The following AIMP1 variants were observed in gnomAD, a reference collection of about 807,000 sequenced individuals.
AIMP1 encodes aminoacyl tRNA synthase complex-interacting multifunctional protein 1.
Under a neutral mutation model 33.1 loss-of-function variants are expected in AIMP1, and 24 were observed. That is an observed-to-expected ratio of 0.73 (90% confidence interval 0.53 to 1.02). AIMP1 has a LOEUF of 1.02. Among genes scored for constraint, AIMP1 ranks in the 50% least tolerant of loss-of-function variants. The pLI is 0.00. For synonymous variants in AIMP1, 120 were observed against 121.5 expected (o/e 0.99, Z 0.08); for missense variants, 367 against 364.8 (o/e 1.01, Z -0.05).
At chr4:106,335,772 C>A (rs112917965) in intron 5 of AIMP1, among the ~76,000 whole-genome samples, 4,082 of 151,706 alleles carry the variant, frequency 0.027, 178 homozygotes, top group African/African-American at 0.094. Context: ...TTGCATATAA[C>A]ATTTATTTAT....
chr4:106,323,302 G>A (rs140211163), intron 1 of AIMP1, among the ~76,000 whole-genome samples: 17 of 152,044 alleles, frequency 1.1e-4, no homozygotes, highest in African/African-American at 3.4e-4. Flanking sequence ...ATATGTTTCT[G>A]TATGAGTCAG....
At chr4:106,316,425 G>A (rs1768884576), upstream of AIMP1, 1 of 973,214 alleles carries the variant, frequency 1.0e-6, no homozygotes. Flanking sequence ...CAGGTTAATG[G>A]GACTGAGCAC....
intron 1 of AIMP1, 23 bp downstream of exon 1, chr4:106,316,617 A>C: frequency 6.5e-7 from 1 of 1,549,498 alleles, no homozygotes; most frequent in Non-Finnish European, 8.7e-7. Context: ...GTGGCGGGTC[A>C]CTCACTCGGG....
At chr4:106,336,334 A>T (rs959871226) in intron 5 of AIMP1, among the ~76,000 whole-genome samples, 36 of 151,438 alleles carry the variant, frequency 2.4e-4, no homozygotes, top group Non-Finnish European at 4.6e-4. Context: ...GAGCCACCAC[A>T]CCCAGCCAAT....
At chr4:106,328,784 T>G (rs1334896181) in intron 4 of AIMP1, among the ~76,000 whole-genome samples, 2 of 152,176 alleles carry the variant, frequency 1.3e-5, no homozygotes, top group African/African-American at 2.4e-5. Context: ...AACCAACAAA[T>G]TCTATTATTC....
chr4:106,327,409 C>A, intron 2 of AIMP1, 42 bp from the exon 3 acceptor site: 4 of 1,436,924 alleles, frequency 2.8e-6, no homozygotes, highest in Non-Finnish European at 3.9e-6. Flanking sequence ...CATACAAAAC[C>A]TCTTTTAAAA....
At chr4:106,321,502 C>G (rs1350669382) in intron 1 of AIMP1, 1 of 155,722 alleles carries the variant, frequency 6.4e-6, no homozygotes, top group Non-Finnish European at 1.4e-5. Flanking sequence ...AGGAGCCCCT[C>G]CGCCCGGCAG....
rs1299418526 is a variant in AIMP1, at chr4:106,347,575, C to T, written c.822C>T (p.Ile274=). ...CTAAGAAGAAGATTTGGGAGCAGATCCAGCCTGATCTTCACACTAATGATG... is the reference window on the plus strand; with the variant it reads ...CTAAGAAGAAGATTTGGGAGCAGATTCAGCCTGATCTTCACACTAATGATG... ...LNPKKKIWEQ[I]QPDLHTNDEC... Residue 274 remains isoleucine (I), a synonymous_variant, in exon 7 of 7, where the codon ATC becomes ATT. Transcript: ENST00000672341. 1.2e-6 allele frequency: 2 copies of T among 1,613,330 alleles called. No individual in the cohort carries two copies. Among genetic ancestry groups the T allele is most frequent in the Non-Finnish European group, 1.7e-6 (2 of 1,179,650 alleles).
chr4:106,333,262 T>A (rs1178643999), intron 5 of AIMP1, among the ~76,000 whole-genome samples: 1 of 152,160 alleles, frequency 6.6e-6, no homozygotes, highest in African/African-American at 2.4e-5. Flanking sequence ...GTGTTACTTG[T>A]TTTTTCTGTC....
chr4:106,327,612 C>A, intron 3 of AIMP1, 48 bp downstream of exon 3: 1 of 1,340,240 alleles, frequency 7.5e-7, no homozygotes, highest in Non-Finnish European at 1.1e-6. Flanking sequence ...AAGAAGTTGG[C>A]CAGTCACACC....
intron 6 of AIMP1, among the ~76,000 whole-genome samples, chr4:106,337,652 A>G (rs1378207093): frequency 6.6e-6 from 1 of 152,182 alleles, no homozygotes; most frequent in Non-Finnish European, 1.5e-5. Flanking sequence ...TAGTAGGGAC[A>G]CTGCTGTAAA....
intron 5 of AIMP1, among the ~76,000 whole-genome samples, chr4:106,334,333 T>C (rs992478404): frequency 2.0e-5 from 3 of 151,126 alleles, no homozygotes; most frequent in Admixed American, 6.6e-5. Context: ...CAGTCTCGGC[T>C]CACTGCAACC....
At position 106,347,537 on chromosome 4, in the gene AIMP1, A is replaced by C. The variant is rs1197300342; in HGVS notation, c.784A>C (p.Lys262Gln). 1 of 1,613,018 alleles carries C rather than the reference A, an allele frequency of 6.2e-7. No individual in the cohort carries two copies. Among genetic ancestry groups the C allele is most frequent in the Non-Finnish European group, 8.5e-7 (1 of 1,179,400 alleles). ...TTTCTCCTACACAGGAGAGCCTGAC[A>C]AGGAGCTGAATCCTAAGAAGAAGAT... ...TFDAFPGEPD[K>Q]ELNPKKKIWE... The change falls in exon 7 of 7, where the codon AAG becomes CAG. Residue 262 changes from lysine to glutamine, a missense_variant. Lys to Gln is a moderately conservative substitution (Grantham distance 53). Transcript: ENST00000672341.
upstream of AIMP1, chr4:106,315,658 T>A (rs952660147): frequency 3.3e-5 from 5 of 152,278 alleles, no homozygotes; most frequent in African/African-American, 1.2e-4. Context: ...AGGGGCGGAT[T>A]CTAGATTCTC....
intron 1 of AIMP1, among the ~76,000 whole-genome samples, chr4:106,321,791 T>G (rs992637899): frequency 6.6e-6 from 1 of 152,230 alleles, no homozygotes; most frequent in African/African-American, 2.4e-5. Context: ...AGAGATCAGA[T>G]TGTTACTGTG....
chr4:106,331,872 C>T lies in AIMP1; in HGVS notation c.592C>T (p.Pro198Ser), dbSNP rs138106524. 830 of 1,613,858 alleles carry T rather than the reference C, an allele frequency of 5.1e-4. 3 individuals carry two copies. The highest frequency in any genetic ancestry group is 2.3e-3 in the Middle Eastern group (14 of 6,054). ...TGTCAGTGGCCTGGTGAATCATGTT[C>T]CTCTTGAACAGGTAATCTGTACAAC... ...TVVSGLVNHV[P>S]LEQMQNRMVI... The change falls in exon 5 of 7, where the codon CCT becomes TCT. Residue 198 changes from proline to serine, a missense_variant. Pro to Ser is a moderately conservative substitution (Grantham distance 74, BLOSUM62 -1). Coordinates refer to ENST00000672341, the MANE Select transcript of AIMP1 (RefSeq NM_001142416.2).
intron 1 of AIMP1, 111 bp from the exon 2 acceptor site, chr4:106,324,874 T>C (rs1769400508): frequency 7.2e-6 from 6 of 829,492 alleles, no homozygotes; most frequent in African/African-American, 1.8e-5. Context: ...CTAAGATATT[T>C]ATCTATTACA....
At chr4:106,326,119 G>A (rs887597860) in intron 2 of AIMP1, among the ~76,000 whole-genome samples, 2 of 152,102 alleles carry the variant, frequency 1.3e-5, no homozygotes, top group Admixed American at 6.5e-5. Flanking sequence ...TCAAACTGAT[G>A]AGTGATTGAT....
chr4:106,342,896 G>A (rs181581709), intron 6 of AIMP1, among the ~76,000 whole-genome samples: 2 of 149,446 alleles, frequency 1.3e-5, no homozygotes, highest in African/African-American at 2.5e-5. Context: ...GAATCTATCC[G>A]ATCCAGGGCT....
Sources: allele counts gnomAD v4.1 joint callset (sites outside exome capture counted in the v4.1 genomes callset), GRCh38; gene constraint gnomAD v4.1.1; transcripts MANE v1.5; gene names NCBI Gene and HGNC (gene_info 2026-07-23, HGNC 2026-07-21).